Variants in ZFAND3 observed in about 807,000 individuals in gnomAD.
ZFAND3 encodes the protein AN1-type zinc finger protein 3.
A neutral mutation model predicts 29.6 loss-of-function variants in ZFAND3; 10 were observed. The observed-to-expected ratio is 0.34, with a 90% CI of 0.21 to 0.57. The LOEUF (loss-of-function observed/expected upper bound fraction) is 0.57, where lower values mean the gene tolerates loss of function less well. ZFAND3 is among the 20% of genes least tolerant of loss of function. The pLI is 0.86. For missense variants in ZFAND3, 230 were observed against 304.5 expected (o/e 0.76, Z 1.82); for synonymous variants, 128 against 112.6 (o/e 1.14, Z -0.87).
chr6:37,937,087 T>G (rs1483321883), intron 2 of ZFAND3, among the ~76,000 whole-genome samples: 1 of 152,218 alleles, frequency 6.6e-6, no homozygotes, highest in Non-Finnish European at 1.5e-5. Flanking sequence ...CTGCTTTCAT[T>G]TCCTGTTAGA....
rs151108684 is a variant in ZFAND3, at chr6:38,029,328, A to G, written c.113-32265A>G. The stretch of plus-strand genomic sequence containing the variant: ...GATTATACAAATTTTCAGCCTTTGG[A>G]TTTCAGGAAGAATAGCTATTCTGAT... On this transcript the variant is annotated intron_variant, in intron 2 of 5. Coordinates refer to ENST00000287218, the MANE Select transcript of ZFAND3 (RefSeq NM_021943.3). Among the ~76,000 whole-genome samples the G allele has an allele frequency of 3.7e-3, 560 of 152,278 alleles. 3 individuals carry two copies. The highest frequency in any genetic ancestry group is 6.2e-3 in the Non-Finnish European group (420 of 68,026).
intron 5 of ZFAND3, among the ~76,000 whole-genome samples, chr6:38,128,210 A>G (rs557785280): frequency 2.6e-5 from 4 of 152,342 alleles, no homozygotes; most frequent in South Asian, 4.1e-4. Context: ...TACTAAAGTT[A>G]TGTCCTTTCC....
chr6:37,983,652 C>A (rs887565098), intron 2 of ZFAND3, among the ~76,000 whole-genome samples: 2 of 152,164 alleles, frequency 1.3e-5, no homozygotes, highest in African/African-American at 4.8e-5. Context: ...AGCCACCCCC[C>A]ACCCCTGGCC....
intron 1 of ZFAND3, among the ~76,000 whole-genome samples, chr6:37,848,054 A>G (rs1378590643): frequency 6.6e-6 from 1 of 152,242 alleles, no homozygotes; most frequent in African/African-American, 2.4e-5. Context: ...CAACTGAGAA[A>G]GGGCTAAGAT....
intron 2 of ZFAND3, among the ~76,000 whole-genome samples, chr6:37,975,555 T>G (rs1412935962): frequency 6.6e-6 from 1 of 152,180 alleles, no homozygotes; most frequent in African/African-American, 2.4e-5. Context: ...AGGGTTTATA[T>G]TTATACTGAT....
At chr6:37,889,461 A>AT (rs1765055877) in intron 1 of ZFAND3, among the ~76,000 whole-genome samples, 1 of 152,140 alleles carries the variant, frequency 6.6e-6, no homozygotes, top group African/African-American at 2.4e-5. Flanking sequence ...GTAAATGGGG[A>AT]TTTTATTAGT....
intron 1 of ZFAND3, among the ~76,000 whole-genome samples, chr6:37,914,789 C>T (rs1030904335): frequency 6.6e-6 from 1 of 151,340 alleles, no homozygotes; most frequent in African/African-American, 2.4e-5. Flanking sequence ...GTGTGAGCTA[C>T]CGTGCCTGGC....
chr6:38,028,310 T>C (rs187210169), intron 2 of ZFAND3, among the ~76,000 whole-genome samples: 26 of 152,312 alleles, frequency 1.7e-4, no homozygotes, highest in Admixed American at 1.6e-3. Context: ...TTGAGTAGGG[T>C]TTATAGGACC....
chr6:38,086,193 T>C lies in ZFAND3; in HGVS notation c.361+3736T>C, dbSNP rs534418229. Among the ~76,000 whole-genome samples, 12 of 152,318 alleles carry C rather than the reference T, an allele frequency of 7.9e-5. No individual in the cohort carries two copies. In the South Asian group the frequency reaches 2.5e-3, roughly 32 times the overall value. The stretch of plus-strand genomic sequence containing the variant: ...TTTGTGAGATAGATGGGAAAGACTT[T>C]TCTTTATATGATGGCTTTTAGCCAG... On this transcript the variant is annotated intron_variant, in intron 4 of 5. Transcript: ENST00000287218.
chr6:37,990,089 T>G (rs943076703), intron 2 of ZFAND3, among the ~76,000 whole-genome samples: 9 of 152,214 alleles, frequency 5.9e-5, no homozygotes, highest in Non-Finnish European at 7.3e-5. Context: ...CAGCATCATC[T>G]GGAGGGCTTG....
At chr6:37,849,539 G>A (rs1455449929) in intron 1 of ZFAND3, among the ~76,000 whole-genome samples, 1 of 152,076 alleles carries the variant, frequency 6.6e-6, no homozygotes, top group Non-Finnish European at 1.5e-5. Flanking sequence ...CTCCTGAGTA[G>A]CTGGGATTAC....
intron 2 of ZFAND3, among the ~76,000 whole-genome samples, chr6:37,977,540 T>G (rs1283818977): frequency 6.6e-6 from 1 of 152,076 alleles, no homozygotes; most frequent in Non-Finnish European, 1.5e-5. Context: ...TGACCTCAAG[T>G]GATCCGCATG....
chr6:37,833,494 C>T (rs1763902224), intron 1 of ZFAND3, among the ~76,000 whole-genome samples: 1 of 151,946 alleles, frequency 6.6e-6, no homozygotes, highest in African/African-American at 2.4e-5. Context: ...TAGTTTACTG[C>T]AAACATTTCA....
At chr6:38,113,803 C>T (rs1319505806) in intron 4 of ZFAND3, among the ~76,000 whole-genome samples, 1 of 152,110 alleles carries the variant, frequency 6.6e-6, no homozygotes, top group African/African-American at 2.4e-5. Context: ...TTTTTTCCCC[C>T]GGCTTCATTG....
chr6:37,868,918 A>T (rs2127387133), intron 1 of ZFAND3, among the ~76,000 whole-genome samples: 1 of 152,182 alleles, frequency 6.6e-6, no homozygotes, highest in Non-Finnish European at 1.5e-5. Flanking sequence ...TTATTCCTTA[A>T]ATGTTTGAGA....
intron 1 of ZFAND3, among the ~76,000 whole-genome samples, chr6:37,820,340 G>C (rs1489123291): frequency 6.6e-6 from 1 of 152,234 alleles, no homozygotes; most frequent in African/African-American, 2.4e-5. Flanking sequence ...ACCGCTCCGG[G>C]AGGAGCAGGG....
chr6:38,003,674 T>TG (rs1491124651), intron 2 of ZFAND3: 5 of 165,434 alleles, frequency 3.0e-5, no homozygotes, highest in Non-Finnish European at 3.9e-5. Context: ...AATTTTTGTG[T>TG]TTTTTTTTTT....
intron 1 of ZFAND3, among the ~76,000 whole-genome samples, chr6:37,902,688 A>T (rs558122457): frequency 7.2e-4 from 108 of 150,394 alleles, no homozygotes; most frequent in Non-Finnish European, 1.4e-3. Context: ...AATTGAATGT[A>T]GACTTTTTCT....
At chr6:37,985,292 A>G (rs924596030) in intron 2 of ZFAND3, among the ~76,000 whole-genome samples, 1 of 152,134 alleles carries the variant, frequency 6.6e-6, no homozygotes, top group Admixed American at 6.5e-5. Context: ...ATAAAAATAA[A>G]ATAAAACAAA....
Sources: allele counts gnomAD v4.1 joint callset (sites outside exome capture counted in the v4.1 genomes callset), GRCh38; gene constraint gnomAD v4.1.1; transcripts MANE v1.5; gene names NCBI Gene and HGNC (gene_info 2026-07-23, HGNC 2026-07-21).